The following GSN variants were observed in gnomAD, a reference collection of about 807,000 sequenced individuals.
The protein encoded by GSN is actin-depolymerizing factor.
Under a neutral mutation model 85.7 loss-of-function variants are expected in GSN, and 56 were observed. The ratio of observed to expected loss-of-function variants is 0.65; its 90% confidence interval spans 0.53 to 0.82. The LOEUF (loss-of-function observed/expected upper bound fraction) is 0.82. Among genes scored for constraint, GSN ranks in the 40% least tolerant of loss-of-function variants. The pLI is 0.00. For missense variants in GSN, 857 were observed against 979.8 expected, an observed-to-expected ratio of 0.87 and a Z score of 1.67; for synonymous variants, 373 against 399.1, an observed-to-expected ratio of 0.93 and a Z score of 0.78.
intron 5 of GSN, among the ~76,000 whole-genome samples, chr9:121,247,833 T>G (rs1017793314): frequency 2.0e-5 from 3 of 152,082 alleles, no homozygotes; most frequent in African/African-American, 7.2e-5. Flanking sequence ...TGGTAATGGG[T>G]CACTGATAAA....
intron 3 of GSN, chr9:121,210,751 T>C (rs2053955891): frequency 6.6e-6 from 1 of 152,216 alleles, no homozygotes; most frequent in African/African-American, 2.4e-5. Flanking sequence ...TAAGAACACA[T>C]TATAAAACAT....
intron 4 of GSN, among the ~76,000 whole-genome samples, chr9:121,306,481 C>T (rs1313729378): frequency 6.6e-6 from 1 of 150,610 alleles, no homozygotes; most frequent in Non-Finnish European, 1.5e-5. Flanking sequence ...TAAAAGCCCT[C>T]CCAACATGAT....
rs1014922211 is a variant in GSN, at chr9:121,301,430, C to T, written c.-9-533C>T. On this transcript the variant is annotated intron_variant, in intron 2 of 17. Transcript: ENST00000432226. The stretch of plus-strand genomic sequence containing the variant: ...TCACCTGAGGTCAGGAGTTCCAGAC[C>T]AGCCTGACCAACATGGCGAAACCCT... Among the ~76,000 whole-genome samples the T allele has an allele frequency of 2.6e-5, 4 of 152,050 alleles. No individual in the cohort carries two copies. In the East Asian group the frequency reaches 5.8e-4, roughly 22 times the overall value.
At chr9:121,279,739 A>C (rs2057119355) in intron 1 of GSN, 2 of 152,238 alleles carry the variant, frequency 1.3e-5, no homozygotes, top group African/African-American at 4.8e-5. Context: ...ATGAGAGTGC[A>C]ATTTGGGGTG....
the GSN span, chr9:121,201,596 A>T: frequency 6.6e-6 from 1 of 152,112 alleles, no homozygotes; most frequent in South Asian, 2.1e-4. Flanking sequence ...ACCCGGCGCG[A>T]GGAGGTATCA....
chr9:121,318,378 C>T lies in GSN; in HGVS notation c.887-28C>T. ...GCAGCAGGATCCCGGGCCTCTAACC[C>T]TCCATCACTTCCTCTGGCTGCCAAC... On this transcript the variant is annotated intron_variant, in intron 8 of 17. Coordinates refer to ENST00000432226, the MANE Select transcript of GSN (RefSeq NM_198252.3). The surrounding 1 kb of genome is among the most constrained non-coding windows in gnomAD (Gnocchi z 4.3). 1 of 1,591,946 alleles carries T rather than the reference C, an allele frequency of 6.3e-7. No homozygotes were observed. Among genetic ancestry groups the T allele is most frequent in the Non-Finnish European group, 8.6e-7 (1 of 1,159,814 alleles).
Position 121,318,885 on chromosome 9 carries a change from G to C in GSN, c.1191+5G>C. 1 of 1,610,308 alleles carries C rather than the reference G, an allele frequency of 6.2e-7. No homozygotes were observed. Among genetic ancestry groups the C allele is most frequent in the Admixed American group, 1.7e-5 (1 of 60,026 alleles). On this transcript the variant is annotated splice_donor_5th_base_variant and intron_variant, in intron 10 of 17. Coordinates refer to ENST00000432226, the MANE Select transcript of GSN (RefSeq NM_198252.3). This position sits in a 1 kb window ranked among gnomAD's most constrained non-coding sequence, Gnocchi z 4.3. ...GATGGCACAGGCCAGAAACAGGTAC[G>C]TTTAGGGCGTGGGGTGGGTGTGTCC...
chr9:121,297,064 C>T (rs768693590), intron 2 of GSN, among the ~76,000 whole-genome samples: 1 of 152,238 alleles, frequency 6.6e-6, no homozygotes, highest in Non-Finnish European at 1.5e-5. Context: ...TGGGCAGTTG[C>T]TGGCCCAGGT....
chr9:121,277,548 T>C (rs1461179939), intron 1 of GSN, among the ~76,000 whole-genome samples: 1 of 152,186 alleles, frequency 6.6e-6, no homozygotes, highest in Non-Finnish European at 1.5e-5. Context: ...GTGACAGTAA[T>C]AGGGTCTAGC....
At chr9:121,288,264 A>G (rs1245323351) in intron 2 of GSN, among the ~76,000 whole-genome samples, 11 of 152,138 alleles carry the variant, frequency 7.2e-5, no homozygotes, top group Admixed American at 5.9e-4. Flanking sequence ...AGCTGTGTTC[A>G]TTCCAGCTGG....
chr9:121,250,908 T>TGTGTGC, intron 6 of GSN, among the ~76,000 whole-genome samples: 1 of 145,704 alleles, frequency 6.9e-6, no homozygotes, highest in South Asian at 2.1e-4. Flanking sequence ...TGTGTGTGTG[T>TGTGTGC]GTGCTTTGAG....
At position 121,299,871 on chromosome 9, in the gene GSN, C is replaced by T. The variant is rs2059609866; in HGVS notation, c.-9-2092C>T. 1 of 1,333,590 alleles carries T rather than the reference C, an allele frequency of 7.5e-7. No homozygotes were observed. Among genetic ancestry groups the T allele is most frequent in the Non-Finnish European group, 9.7e-7 (1 of 1,033,926 alleles). The allele number at this position is 1,333,590 out of a possible 1,614,324, so 82.6% of individuals were successfully genotyped here. On this transcript the variant is annotated intron_variant, in intron 2 of 17. Transcript: ENST00000432226. This position sits in a 1 kb window ranked among gnomAD's most constrained non-coding sequence, Gnocchi z 4.2. ...TGCCGCTGTCGCCACCATGGCTCCG[C>T]ACCGCCCCGCGCCCGCGCTGCTTTG...
chr9:121,295,277 C>T (rs1006320332), intron 2 of GSN, among the ~76,000 whole-genome samples: 7 of 152,134 alleles, frequency 4.6e-5, no homozygotes, highest in Non-Finnish European at 8.8e-5. Context: ...CAGGGCTTGC[C>T]GGAACTTTTC....
intron 2 of GSN, among the ~76,000 whole-genome samples, chr9:121,291,569 C>T (rs1166655389): frequency 1.3e-5 from 2 of 151,956 alleles, no homozygotes; most frequent in African/African-American, 2.4e-5. Flanking sequence ...CAGATGCCCA[C>T]CACCATGCCC....
At chr9:121,259,333 T>G (rs865826220) in intron 6 of GSN, among the ~76,000 whole-genome samples, 1 of 152,164 alleles carries the variant, frequency 6.6e-6, no homozygotes, top group Non-Finnish European at 1.5e-5. Context: ...AGTACTATGA[T>G]GGAGGCATGT....
chr9:121,332,543 GGAT>G lies in GSN; in HGVS notation c.2143_2145del (p.Asp715del). On this transcript the variant is annotated inframe_deletion, in exon 18 of 18. Transcript: ENST00000432226. The surrounding 1 kb of genome is among the most constrained non-coding windows in gnomAD (Gnocchi z 4.8). Reference sequence around the variant, plus strand: ...CCTTTGTGGGCTGGTTCCTTGGCTGGGATGATGATTACTGGTCTGTGGACCCCT... The same window carrying G: ...CCTTTGTGGGCTGGTTCCTTGGCTGGGATGATTACTGGTCTGTGGACCCCT... 2 of 1,614,148 alleles carry G rather than the reference GGAT, an allele frequency of 1.2e-6. No individual in the cohort carries two copies. Among genetic ancestry groups the G allele is most frequent in the Non-Finnish European group, 1.7e-6 (2 of 1,180,022 alleles).
chr9:121,331,390 C>G lies in GSN; in HGVS notation c.1968C>G (p.Val656=). The G allele has an allele frequency of 1.2e-6, 2 of 1,602,744 alleles. No individual in the cohort carries two copies. Among genetic ancestry groups the G allele is most frequent in the South Asian group, 2.2e-5 (2 of 90,216 alleles). Residue 656 remains valine, a splice_region_variant and synonymous_variant, in exon 17 of 18, where the codon GTC becomes GTG. Transcript: ENST00000432226. ...DVMLLDTWDQ[V]FVWVGKDSQE... ...TTCCTGTTGCATCTCACCTCCAGGTCTTTGTCTGGGTTGGAAAGGATTCTC... is the reference window on the plus strand; with the variant it reads ...TTCCTGTTGCATCTCACCTCCAGGTGTTTGTCTGGGTTGGAAAGGATTCTC...
chr9:121,272,732 G>T (rs2056155570), intron 1 of GSN, among the ~76,000 whole-genome samples: 1 of 152,168 alleles, frequency 6.6e-6, no homozygotes, highest in Non-Finnish European at 1.5e-5. Context: ...TTCACTATCT[G>T]CTTTAATCTT....
intron 5 of GSN, among the ~76,000 whole-genome samples, chr9:121,235,425 C>T (rs538008235): frequency 1.3e-5 from 2 of 152,344 alleles, no homozygotes; most frequent in East Asian, 3.9e-4. Context: ...TAGCCACTGT[C>T]TTCCAAGGGC....
Sources: allele counts gnomAD v4.1 joint callset (sites outside exome capture counted in the v4.1 genomes callset), GRCh38; gene constraint gnomAD v4.1.1; non-coding constraint Gnocchi (gnomAD v3.1); transcripts MANE v1.5; gene names NCBI Gene and HGNC (gene_info 2026-07-23, HGNC 2026-07-21).